THRB: variants seen among roughly 807,000 people sequenced by gnomAD.
The protein encoded by THRB is nuclear receptor subfamily 1 group A member 2.
Under a neutral mutation model 47.8 loss-of-function variants are expected in THRB, and 12 were observed. The observed-to-expected ratio is 0.25, with a 90% CI of 0.16 to 0.41. THRB has a LOEUF of 0.41. THRB is among the 10% of genes least tolerant of loss of function. The pLI is 1.00. For missense variants in THRB, 348 were observed against 589.2 expected (o/e 0.59, Z 4.24); for synonymous variants, 218 against 212.2 (o/e 1.03, Z -0.24).
chr3:24,479,024 C>T (rs111651642), intron 1 of THRB, among the ~76,000 whole-genome samples: 173 of 152,154 alleles, frequency 1.1e-3, no homozygotes, highest in African/African-American at 3.5e-3. Flanking sequence ...TGCGGCCGGG[C>T]GCGGGGGTTA....
At chr3:24,216,516 G>T (rs1055793164) in intron 4 of THRB, among the ~76,000 whole-genome samples, 1 of 152,164 alleles carries the variant, frequency 6.6e-6, no homozygotes, top group Non-Finnish European at 1.5e-5. Context: ...GCTGAGGCAG[G>T]AGAATGGCCT....
At chr3:24,299,783 T>TTTTTTTTTTTTTTTTTTTTTTTTC (rs2056790209) in intron 2 of THRB, among the ~76,000 whole-genome samples, 1 of 56,234 alleles carries the variant, frequency 1.8e-5, no homozygotes, top group Non-Finnish European at 3.4e-5. Flanking sequence ...ATTTATTTAT[T>TTTTTTTTTTTTTTTTTTTTTTTTC]TATTTATTTT....
At chr3:24,267,110 G>A (rs999162415) in intron 3 of THRB, among the ~76,000 whole-genome samples, 2 of 152,008 alleles carry the variant, frequency 1.3e-5, no homozygotes, top group Non-Finnish European at 2.9e-5. Context: ...GGGACAGAAC[G>A]AGAGAAACAA....
At chr3:24,213,847 C>CT (rs1251782291) in intron 4 of THRB, among the ~76,000 whole-genome samples, 9 of 152,242 alleles carry the variant, frequency 5.9e-5, no homozygotes, top group African/African-American at 2.2e-4. Context: ...AATGTGTCCT[C>CT]TAAGTTTGAA....
intron 1 of THRB, among the ~76,000 whole-genome samples, chr3:24,390,779 C>T (rs1229753439): frequency 5.5e-5 from 3 of 54,160 alleles, no homozygotes; most frequent in African/African-American, 1.9e-4. Context: ...CCAATCTTTA[C>T]TTTGTAAAAA....
At chr3:24,405,976 G>C (rs1027243441) in intron 1 of THRB, among the ~76,000 whole-genome samples, 3 of 151,386 alleles carry the variant, frequency 2.0e-5, no homozygotes, top group Non-Finnish European at 3.0e-5. Context: ...CTATTTTAGA[G>C]TTGCTAATGT....
intron 1 of THRB, among the ~76,000 whole-genome samples, chr3:24,454,576 G>T (rs1191513720): frequency 6.6e-6 from 1 of 152,128 alleles, no homozygotes; most frequent in Non-Finnish European, 1.5e-5. Context: ...ACTTTAAAAT[G>T]GACCTGTTTG....
chr3:24,431,546 G>T (rs962124075), intron 1 of THRB, among the ~76,000 whole-genome samples: 5 of 152,106 alleles, frequency 3.3e-5, no homozygotes, highest in Admixed American at 2.0e-4. Flanking sequence ...CTTGGAGGGA[G>T]TGTTGACCAG....
intron 1 of THRB, among the ~76,000 whole-genome samples, chr3:24,481,121 A>G (rs1696288409): frequency 1.3e-5 from 2 of 151,510 alleles, no homozygotes; most frequent in African/African-American, 4.9e-5. Flanking sequence ...GCTAGGTTTC[A>G]TCTTTGCAGA....
chr3:24,246,804 T>C (rs905881016), intron 3 of THRB, among the ~76,000 whole-genome samples: 1 of 152,164 alleles, frequency 6.6e-6, no homozygotes, highest in African/African-American at 2.4e-5. Flanking sequence ...CAAGAAAAAG[T>C]TTATCATAAA....
intron 3 of THRB, among the ~76,000 whole-genome samples, chr3:24,271,172 A>AGT (rs2053285745): frequency 2.6e-5 from 4 of 152,228 alleles, no homozygotes; most frequent in Admixed American, 6.5e-5. Context: ...CTGGAACCAA[A>AGT]GTGTCATTCC....
chr3:24,446,575 AAG>A (rs775047784), intron 1 of THRB, among the ~76,000 whole-genome samples: 483 of 6,926 alleles, frequency 0.07, 5 homozygotes, highest in Admixed American at 0.09. Flanking sequence ...AAAAAAAAAA[AAG>A]AAAGAAAGAA....
chr3:24,451,106 G>A (rs185832822), intron 1 of THRB, among the ~76,000 whole-genome samples: 1 of 151,888 alleles, frequency 6.6e-6, no homozygotes, highest in Non-Finnish European at 1.5e-5. Context: ...TATGAGCTAT[G>A]ACAAGTCTAA....
chr3:24,245,120 G>A (rs1341173217), intron 3 of THRB, among the ~76,000 whole-genome samples: 1 of 152,180 alleles, frequency 6.6e-6, no homozygotes, highest in Admixed American at 6.5e-5. Context: ...CTGCTGCTAT[G>A]TGTCTGGAGA....
chr3:24,471,119 C>T (rs2074537021), intron 1 of THRB, among the ~76,000 whole-genome samples: 1 of 152,190 alleles, frequency 6.6e-6, no homozygotes, highest in Non-Finnish European at 1.5e-5. Context: ...AATACTTCAG[C>T]AGATTACAAT....
chr3:24,335,764 G>T (rs974639770), intron 2 of THRB, among the ~76,000 whole-genome samples: 33 of 152,158 alleles, frequency 2.2e-4, no homozygotes, highest in African/African-American at 7.7e-4. Context: ...TCATTCTTTT[G>T]TGTCTAATGC....
At chr3:24,258,677 T>C (rs566129689) in intron 3 of THRB, among the ~76,000 whole-genome samples, 2 of 151,446 alleles carry the variant, frequency 1.3e-5, no homozygotes, top group South Asian at 4.2e-4. Flanking sequence ...GGCACATCAT[T>C]ACTTTGAATA....
intron 1 of THRB, among the ~76,000 whole-genome samples, chr3:24,466,057 T>A (rs1038049084): frequency 7.2e-5 from 11 of 152,204 alleles, no homozygotes; most frequent in Non-Finnish European, 1.3e-4. Flanking sequence ...TTTTAGGCAT[T>A]ATCTATTTAC....
chr3:24,303,681 G>A (rs1249256493), intron 2 of THRB, among the ~76,000 whole-genome samples: 5 of 152,240 alleles, frequency 3.3e-5, no homozygotes, highest in South Asian at 2.1e-4. Flanking sequence ...ATTCTCTTAC[G>A]TCTAATTTTA....
Sources: gnomAD v4.1 joint callset for allele counts (sites outside exome capture counted in the v4.1 genomes callset) on GRCh38, gnomAD v4.1.1 for gene constraint, MANE v1.5 for transcripts, NCBI Gene and HGNC (gene_info 2026-07-23, HGNC 2026-07-21) for gene names.